PDZD2: variants seen among roughly 807,000 people sequenced by gnomAD.
PDZD2 encodes the protein PDZ domain containing 2, also known as PDZ domain-containing protein 2.
A neutral mutation model predicts 220.7 loss-of-function variants in PDZD2; 90 were observed. The observed-to-expected ratio is 0.41, with a 90% confidence interval of 0.34 to 0.49. The LOEUF (loss-of-function observed/expected upper bound fraction) is 0.49. PDZD2 is among the 20% of genes least tolerant of loss of function. The pLI, the probability that PDZD2 is intolerant of heterozygous loss-of-function variation, is 0.28. For synonymous variants in PDZD2, 1,375 were observed against 1,450.5 expected (o/e 0.95, Z 1.18); for missense variants, 3,174 against 3,608.5 (o/e 0.88, Z 3.08).
chr5:31,660,339 A>T (rs1203772786), intron 1 of PDZD2, among the ~76,000 whole-genome samples: 4 of 152,122 alleles, frequency 2.6e-5, no homozygotes, highest in Non-Finnish European at 5.9e-5. Context: ...TCTTTTAAAA[A>T]TTTTTTTATA....
intron 6 of PDZD2, among the ~76,000 whole-genome samples, chr5:32,021,949 C>G (rs1191918868): frequency 1.3e-5 from 2 of 152,130 alleles, no homozygotes; most frequent in African/African-American, 4.8e-5. Flanking sequence ...CCAGATACAA[C>G]TGCAGTAGTT....
At chr5:31,938,388 G>T (rs1261239550) in intron 2 of PDZD2, among the ~76,000 whole-genome samples, 1 of 152,206 alleles carries the variant, frequency 6.6e-6, no homozygotes, top group Admixed American at 6.5e-5. Context: ...GAGTTAGGAA[G>T]TTGAAGCTTT....
chr5:31,910,438 ACT>A (rs1743079553), intron 2 of PDZD2, among the ~76,000 whole-genome samples: 1 of 134,182 alleles, frequency 7.5e-6, no homozygotes, highest in Non-Finnish European at 1.6e-5. Context: ...ACAGAGTCTC[ACT>A]CTGTCAACTG....
At chr5:31,749,933 G>A (rs571650707) in intron 1 of PDZD2, among the ~76,000 whole-genome samples, 3 of 152,194 alleles carry the variant, frequency 2.0e-5, no homozygotes, top group Non-Finnish European at 4.4e-5. Context: ...CTGGCATCCC[G>A]CCATGATGTT....
In PDZD2 at chr5:32,089,642, C is replaced by T. The variant is rs1742884696; in HGVS notation, c.6194C>T (p.Thr2065Ile). 1 of 1,613,896 alleles carries T rather than the reference C, an allele frequency of 6.2e-7. No individual in the cohort carries two copies. ...PRLASHVAAD[T>I]AQPRPTGEKG... ...CTGGCCAGCCATGTGGCAGCAGACA[C>T]AGCCCAACCCAGGCCGACTGGCGAA... Residue 2065 changes from threonine to isoleucine, a missense_variant, in exon 20 of 25, where the codon ACA becomes ATA. Physicochemically the swap from Thr to Ile is moderately conservative, Grantham distance 89 (BLOSUM62 -1). Coordinates refer to ENST00000438447, the MANE Select transcript of PDZD2 (RefSeq NM_178140.4).
chr5:31,745,990 C>T (rs1157586140), intron 1 of PDZD2, among the ~76,000 whole-genome samples: 1 of 152,096 alleles, frequency 6.6e-6, no homozygotes, highest in African/African-American at 2.4e-5. Context: ...AGCATTATAG[C>T]AAGCCACTGC....
intron 6 of PDZD2, among the ~76,000 whole-genome samples, chr5:32,017,373 A>T (rs1753860430): frequency 1.3e-5 from 2 of 151,924 alleles, no homozygotes. Flanking sequence ...CCGGAGGCAG[A>T]CGTGGCAGTG....
Position 32,024,703 on chromosome 5 carries a change from A to AGGAAG in PDZD2, c.1408-12528_1408-12527insGGAAG, listed in dbSNP as rs558332850. On this transcript the variant is annotated intron_variant, in intron 6 of 24. Coordinates refer to ENST00000438447, the MANE Select transcript of PDZD2 (RefSeq NM_178140.4). ...ATCTCAAAAAAAAAAAGAAAGAAAAAAAAGAAAAGGAAAGAAAGAAACGTG... is the reference window on the plus strand; with the variant it reads ...ATCTCAAAAAAAAAAAGAAAGAAAAAGGAAGAAAGAAAAGGAAAGAAAGAAACGTG... Among the ~76,000 whole-genome samples, 17 of 140,282 alleles carry AGGAAG rather than the reference A, an allele frequency of 1.2e-4. No individual in the cohort carries two copies. The South Asian group carries it at 2.9e-3, about 24-fold the overall frequency. The allele number at this position is 140,282 out of a possible 152,430, so 92.0% of individuals were successfully genotyped here.
At position 32,048,586 on chromosome 5, in the gene PDZD2, G is replaced by C. The variant is rs751412600; in HGVS notation, c.1567G>C (p.Val523Leu). The C allele has an allele frequency of 6.2e-7, 1 of 1,613,860 alleles. No individual in the cohort carries two copies. The highest frequency in any genetic ancestry group is 8.5e-7 in the Non-Finnish European group (1 of 1,179,776). Residue 523 changes from valine (V) to leucine (L), a missense_variant, in exon 8 of 25, where the codon GTG becomes CTG. Physicochemically the swap from Val to Leu is conservative, Grantham distance 32. Transcript: ENST00000438447. Reference protein sequence around the residue: ...ESVEEYNELMVRNGDPRIRML... With the variant: ...ESVEEYNELMLRNGDPRIRML... ...AGTTGAAGAATATAACGAGCTGATG[G>C]TGCGGAATGGGGACCCCCGGATCCG...
intron 1 of PDZD2, among the ~76,000 whole-genome samples, chr5:31,734,511 G>A (rs1295731685): frequency 6.6e-6 from 1 of 152,086 alleles, no homozygotes; most frequent in East Asian, 1.9e-4. Context: ...TAGGGACAGG[G>A]TTTCACCATG....
At chr5:31,746,489 C>T (rs1272240445) in intron 1 of PDZD2, among the ~76,000 whole-genome samples, 1 of 152,068 alleles carries the variant, frequency 6.6e-6, no homozygotes, top group Non-Finnish European at 1.5e-5. Context: ...AGGGATTGTG[C>T]TCAAAAATAG....
intron 18 of PDZD2, 70 bp downstream of exon 18, chr5:32,074,713 T>C: frequency 2.9e-6 from 3 of 1,017,608 alleles, no homozygotes; most frequent in Non-Finnish European, 4.3e-6. Flanking sequence ...TGGAGTCTGT[T>C]GTAAAGCATG....
At chr5:31,726,224 G>A (rs1445291452) in intron 1 of PDZD2, among the ~76,000 whole-genome samples, 1 of 152,178 alleles carries the variant, frequency 6.6e-6, no homozygotes, top group Non-Finnish European at 1.5e-5. Context: ...TATGCGTACA[G>A]TAGTAGTATA....
intron 1 of PDZD2, among the ~76,000 whole-genome samples, chr5:31,740,517 T>C: frequency 4.7e-5 from 3 of 63,506 alleles, no homozygotes; most frequent in Admixed American, 2.4e-4. Flanking sequence ...AGAGCAAGAC[T>C]CCGTCTCAAA....
chr5:31,890,775 C>T (rs1223828982), intron 2 of PDZD2, among the ~76,000 whole-genome samples: 2 of 152,126 alleles, frequency 1.3e-5, no homozygotes, highest in African/African-American at 4.8e-5. Context: ...TTCTCTGGAA[C>T]CAGAGGAAAC....
intron 2 of PDZD2, among the ~76,000 whole-genome samples, chr5:31,870,882 C>G (rs1738729252): frequency 7.1e-6 from 1 of 141,580 alleles, no homozygotes; most frequent in South Asian, 2.2e-4. Context: ...GATCGAGACT[C>G]TGTCTCAAAA....
chr5:31,880,791 CTTTTTTTTTTTTTTTT>C (rs1037018187), intron 2 of PDZD2, among the ~76,000 whole-genome samples: 1 of 76,486 alleles, frequency 1.3e-5, no homozygotes, highest in African/African-American at 6.5e-5. Context: ...TTTTTTTTTT[CTTTTTTTTTTTTTTTT>C]TTTTTTTTTT....
At chr5:32,074,970 C>T (rs1741156962) in intron 18 of PDZD2, among the ~76,000 whole-genome samples, 1 of 152,148 alleles carries the variant, frequency 6.6e-6, no homozygotes, top group African/African-American at 2.4e-5. Context: ...ACCACCACGC[C>T]TGGCTAATTT....
chr5:31,818,447 G>A (rs1490239716), intron 2 of PDZD2, among the ~76,000 whole-genome samples: 1 of 152,096 alleles, frequency 6.6e-6, no homozygotes, highest in South Asian at 2.1e-4. Context: ...CAGAGAACTG[G>A]TTTTCTTTGG....
Sources: allele counts gnomAD v4.1 joint callset (sites outside exome capture counted in the v4.1 genomes callset), GRCh38; gene constraint gnomAD v4.1.1; transcripts MANE v1.5; gene names NCBI Gene and HGNC (gene_info 2026-07-23, HGNC 2026-07-21).